ABL1: variants seen among roughly 807,000 people sequenced by gnomAD.
The protein encoded by ABL1 is tyrosine-protein kinase ABL1.
In ABL1, 11 loss-of-function variants were observed where a neutral mutation model predicts 94.7. That is an observed-to-expected ratio of 0.12 (90% CI 0.07 to 0.19). The LOEUF is 0.19. Among genes scored for constraint, ABL1 ranks in the 10% least tolerant of loss-of-function variants. The probability of loss-of-function intolerance (pLI) is 1.00; values close to 1 mark genes in which losing one functional copy is unlikely to be tolerated. For synonymous variants in ABL1, 656 were observed against 622.4 expected, an observed-to-expected ratio of 1.05 and a Z score of -0.80; for missense variants, 1,082 against 1,489.4, an observed-to-expected ratio of 0.73 and a Z score of 4.50.
intron 1 of ABL1, among the ~76,000 whole-genome samples, chr9:130,802,313 T>C (rs1179731911): frequency 6.6e-6 from 1 of 152,010 alleles, no homozygotes; most frequent in African/African-American, 2.4e-5. Flanking sequence ...AGGCTGGTCT[T>C]GAACTCCTGG....
At chr9:130,827,945 A>T (rs1035317329) in intron 1 of ABL1, among the ~76,000 whole-genome samples, 2 of 144,852 alleles carry the variant, frequency 1.4e-5, no homozygotes, top group African/African-American at 5.5e-5. Flanking sequence ...AAAGCTATGC[A>T]TTTCCCACAA....
At chr9:130,722,661 G>A (rs1270095723) in intron 1 of ABL1, among the ~76,000 whole-genome samples, 2 of 152,032 alleles carry the variant, frequency 1.3e-5, no homozygotes, top group African/African-American at 2.4e-5. Flanking sequence ...GGCCATGTAT[G>A]TACATTTTTT....
At chr9:130,761,858 C>G (rs780407699) in intron 1 of ABL1, among the ~76,000 whole-genome samples, 7 of 152,020 alleles carry the variant, frequency 4.6e-5, no homozygotes, top group Non-Finnish European at 8.8e-5. Context: ...TAAGAAAATT[C>G]ACATCTGGGC....
chr9:130,847,666 A>G (rs1028324350), intron 1 of ABL1, among the ~76,000 whole-genome samples: 1 of 152,222 alleles, frequency 6.6e-6, no homozygotes, highest in African/African-American at 2.4e-5. Flanking sequence ...GTCCAGAGGC[A>G]TGCATGAGCA....
At position 130,740,854 on chromosome 9, in the gene ABL1, TCTCA is replaced by T. The variant is rs1441469242; in HGVS notation, c.136+26403_136+26406del. Among the ~76,000 whole-genome samples, 3 of 112,546 alleles carry T rather than the reference TCTCA, an allele frequency of 2.7e-5. No homozygotes were observed. In the East Asian group the frequency reaches 9.2e-4, roughly 34 times the overall value. 73.8% of individuals were successfully genotyped at this position (112,546 alleles called of 152,430 possible). A position where few individuals can be genotyped will look rare whatever the true frequency, so the allele number is the denominator to read the frequency against. ...TTTTTTTTTTTTTTGTAGAGAAGGG[TCTCA>T]CTCTGTTGAACTCCTGGTGGCCTCA... On this transcript the variant is annotated intron_variant, in intron 1 of 10. Coordinates refer to the ABL1 transcript ENST00000372348.
chr9:130,834,011 G>C (rs1439991529), upstream of ABL1: 1 of 455,878 alleles, frequency 2.2e-6, no homozygotes, highest in Non-Finnish European at 4.4e-6. Context: ...TCCACTGGTC[G>C]GGAGCCTGAT....
chr9:130,779,963 A>T (rs1373866770), intron 1 of ABL1, among the ~76,000 whole-genome samples: 1 of 152,108 alleles, frequency 6.6e-6, no homozygotes, highest in Non-Finnish European at 1.5e-5. Context: ...TATAATTTGG[A>T]TGTTCTTAAA....
intron 7 of ABL1, among the ~76,000 whole-genome samples, chr9:130,877,652 T>A (rs1483626852): frequency 6.8e-6 from 1 of 146,578 alleles, no homozygotes; most frequent in African/African-American, 2.6e-5. Context: ...TTTTTTTTTT[T>A]ATTTTTGAGA....
chr9:130,819,724 G>C (rs145017157), intron 1 of ABL1, among the ~76,000 whole-genome samples: 1 of 151,634 alleles, frequency 6.6e-6, no homozygotes, highest in East Asian at 1.9e-4. Flanking sequence ...TGTATTTTTA[G>C]TAGAGATGGA....
At chr9:130,766,668 T>G (rs1311890611) in intron 1 of ABL1, among the ~76,000 whole-genome samples, 2 of 152,086 alleles carry the variant, frequency 1.3e-5, no homozygotes, top group African/African-American at 2.4e-5. Context: ...CATCCTTGCC[T>G]CCTCCTCTGC....
At chr9:130,751,833 C>T (rs1831971331) in intron 1 of ABL1, among the ~76,000 whole-genome samples, 1 of 152,226 alleles carries the variant, frequency 6.6e-6, no homozygotes, top group South Asian at 2.1e-4. Context: ...TGTGCTGGGC[C>T]TCCCATCTGC....
intron 1 of ABL1, among the ~76,000 whole-genome samples, chr9:130,822,974 T>G (rs1830384093): frequency 6.6e-6 from 1 of 152,094 alleles, no homozygotes; most frequent in Admixed American, 6.5e-5. Flanking sequence ...ATTTTTGAAT[T>G]TTTAGTAGAG....
intron 1 of ABL1, among the ~76,000 whole-genome samples, chr9:130,766,551 A>C (rs1832185911): frequency 6.6e-6 from 1 of 152,042 alleles, no homozygotes; most frequent in East Asian, 1.9e-4. Context: ...GTGAGTTCCC[A>C]CCAAACCTGG....
intron 7 of ABL1, among the ~76,000 whole-genome samples, chr9:130,877,290 G>GGA (rs1377232377): frequency 6.7e-6 from 1 of 148,178 alleles, no homozygotes; most frequent in Non-Finnish European, 1.5e-5. Flanking sequence ...ATTTCTCTAA[G>GGA]GAATCTTATC....
chr9:130,850,329 A>T (rs1830836091), intron 1 of ABL1, among the ~76,000 whole-genome samples: 2 of 151,932 alleles, frequency 1.3e-5, no homozygotes, highest in Non-Finnish European at 2.9e-5. Context: ...GACAACAGTA[A>T]ATGATTGGAA....
At chr9:130,733,748 G>A (rs1346445998) in intron 1 of ABL1, among the ~76,000 whole-genome samples, 10 of 151,582 alleles carry the variant, frequency 6.6e-5, no homozygotes, top group African/African-American at 2.2e-4. Flanking sequence ...CTGCCACCAC[G>A]CCCGGCTAAC....
chr9:130,882,869 T>G (rs1168143169), intron 10 of ABL1, among the ~76,000 whole-genome samples: 1 of 152,114 alleles, frequency 6.6e-6, no homozygotes, highest in Non-Finnish European at 1.5e-5. Flanking sequence ...GATTCATATT[T>G]AAAGAGTGCC....
intron 1 of ABL1, among the ~76,000 whole-genome samples, chr9:130,803,479 G>A (rs1830083955): frequency 6.6e-6 from 1 of 152,118 alleles, no homozygotes; most frequent in African/African-American, 2.4e-5. Flanking sequence ...AATTGTTAAA[G>A]GCAATAATTT....
intron 1 of ABL1, among the ~76,000 whole-genome samples, chr9:130,757,643 A>T (rs1832057750): frequency 7.1e-6 from 1 of 141,114 alleles, no homozygotes; most frequent in Non-Finnish European, 1.5e-5. Context: ...GGTTCAAGTG[A>T]TTCTTCTGCC....
Sources: allele counts gnomAD v4.1 joint callset (sites outside exome capture counted in the v4.1 genomes callset), GRCh38; gene constraint gnomAD v4.1.1; transcripts MANE v1.5; gene names NCBI Gene and HGNC (gene_info 2026-07-23, HGNC 2026-07-21).